GRIN3A: variants seen among roughly 807,000 people sequenced by gnomAD.
The protein encoded by GRIN3A is glutamate ionotropic receptor NMDA type subunit 3A.
GRIN3A carries 47 observed loss-of-function variants against 92.4 expected under a neutral mutation model. That is an observed-to-expected ratio of 0.51 (90% confidence interval 0.40 to 0.65). GRIN3A has a LOEUF of 0.65. Among genes scored for constraint, GRIN3A ranks in the 30% least tolerant of loss-of-function variants. The probability of loss-of-function intolerance (pLI) is 0.00; values close to 1 mark genes in which losing one functional copy is unlikely to be tolerated. For synonymous variants in GRIN3A, 527 were observed against 540.6 expected (o/e 0.97, Z 0.35); for missense variants, 1,324 against 1,393.1 (o/e 0.95, Z 0.79).
intron 1 of GRIN3A, among the ~76,000 whole-genome samples, chr9:101,733,488 G>C (rs931382876): frequency 6.6e-6 from 1 of 152,134 alleles, no homozygotes; most frequent in Non-Finnish European, 1.5e-5. Context: ...AATTAGATGC[G>C]ACTATCAGCT....
chr9:101,613,057 A>T (rs1828388594), intron 6 of GRIN3A, among the ~76,000 whole-genome samples: 1 of 152,248 alleles, frequency 6.6e-6, no homozygotes, highest in Non-Finnish European at 1.5e-5. Context: ...AACACTGTTC[A>T]TGTCAATCTC....
chr9:101,633,798 A>G (rs1227474091), intron 3 of GRIN3A, among the ~76,000 whole-genome samples: 1 of 152,040 alleles, frequency 6.6e-6, no homozygotes, highest in Admixed American at 6.6e-5. Flanking sequence ...GGTGCCAAAA[A>G]GGTTGGGGAC....
intron 2 of GRIN3A, among the ~76,000 whole-genome samples, chr9:101,682,508 C>A (rs1382808233): frequency 1.3e-5 from 2 of 152,178 alleles, no homozygotes; most frequent in Admixed American, 6.5e-5. Flanking sequence ...ACTTACATTT[C>A]GACCTCATTC....
intron 1 of GRIN3A, among the ~76,000 whole-genome samples, chr9:101,698,695 TCTCA>T (rs1829714464): frequency 6.6e-6 from 1 of 152,088 alleles, no homozygotes; most frequent in African/African-American, 2.4e-5. Flanking sequence ...TGAGACAGAG[TCTCA>T]CTCTCTCAGC....
intron 6 of GRIN3A, chr9:101,594,482 T>C: frequency 6.2e-7 from 1 of 1,614,212 alleles, no homozygotes; most frequent in Non-Finnish European, 8.5e-7. Flanking sequence ...AAAGGATATC[T>C]TCCCATCGCC....
intron 3 of GRIN3A, among the ~76,000 whole-genome samples, chr9:101,663,231 A>T (rs1829197627): frequency 6.6e-6 from 1 of 151,924 alleles, no homozygotes; most frequent in Non-Finnish European, 1.5e-5. Context: ...CATTCAGATC[A>T]GGTCTCCTGC....
At chr9:101,577,618 C>A in intron 8 of GRIN3A, 150 bp downstream of exon 8, 1 of 685,412 alleles carries the variant, frequency 1.5e-6, no homozygotes. Flanking sequence ...TTTTAGTGTC[C>A]ATATACATTT....
At chr9:101,646,503 C>G (rs1013493413) in intron 3 of GRIN3A, among the ~76,000 whole-genome samples, 3 of 151,648 alleles carry the variant, frequency 2.0e-5, no homozygotes, top group Non-Finnish European at 4.4e-5. Flanking sequence ...CTATTTGGAG[C>G]CTTTTGGGGT....
At chr9:101,620,327 G>A (rs546663491) in intron 5 of GRIN3A, among the ~76,000 whole-genome samples, 16 of 152,196 alleles carry the variant, frequency 1.1e-4, no homozygotes, top group East Asian at 3.9e-4. Context: ...AGCCTATTTC[G>A]TAGGGGCACT....
chr9:101,630,363 T>C (rs1828694982), intron 3 of GRIN3A, among the ~76,000 whole-genome samples: 1 of 152,224 alleles, frequency 6.6e-6, no homozygotes, highest in African/African-American at 2.4e-5. Flanking sequence ...TGTGCTGATA[T>C]AGTAGCTTGT....
chr9:101,665,397 A>G (rs1473095738), intron 3 of GRIN3A, among the ~76,000 whole-genome samples: 1 of 151,818 alleles, frequency 6.6e-6, no homozygotes, highest in Non-Finnish European at 1.5e-5. Context: ...ATTAATGGGG[A>G]AGCACAGCAG....
intron 3 of GRIN3A, among the ~76,000 whole-genome samples, chr9:101,664,689 C>T (rs1379855350): frequency 6.6e-6 from 1 of 151,974 alleles, no homozygotes; most frequent in African/African-American, 2.4e-5. Flanking sequence ...CTTTCTTGCG[C>T]AGGCTCTTGC....
At chr9:101,736,260 C>T (rs1830204647) in intron 1 of GRIN3A, among the ~76,000 whole-genome samples, 1 of 152,094 alleles carries the variant, frequency 6.6e-6, no homozygotes, top group East Asian at 1.9e-4. Flanking sequence ...TAAAATGGGC[C>T]CATGCCAATT....
chr9:101,712,903 C>G (rs1829897398), intron 1 of GRIN3A, among the ~76,000 whole-genome samples: 1 of 152,190 alleles, frequency 6.6e-6, no homozygotes, highest in African/African-American at 2.4e-5. Context: ...CCTATTATTT[C>G]TATCTTATGG....
At chr9:101,647,327 G>T (rs1828950259) in intron 3 of GRIN3A, among the ~76,000 whole-genome samples, 1 of 151,750 alleles carries the variant, frequency 6.6e-6, no homozygotes, top group Admixed American at 6.6e-5. Context: ...CCATCCTTCT[G>T]TCCTTGAGAT....
intron 5 of GRIN3A, among the ~76,000 whole-genome samples, chr9:101,614,242 C>T (rs1324741039): frequency 6.6e-6 from 1 of 152,044 alleles, no homozygotes; most frequent in Non-Finnish European, 1.5e-5. Context: ...ATTTTAAGAC[C>T]AGCAATTCTG....
At chr9:101,693,401 G>A (rs1468715470) in intron 1 of GRIN3A, among the ~76,000 whole-genome samples, 1 of 151,684 alleles carries the variant, frequency 6.6e-6, no homozygotes, top group African/African-American at 2.4e-5. Flanking sequence ...CCTGGGTGCA[G>A]AGTGAGACTC....
rs773342129 is a variant in GRIN3A, at chr9:101,671,091, T to C, written c.1321A>G (p.Thr441Ala). The change falls in exon 3 of 9, where the codon ACT becomes GCT. Residue 441 changes from threonine (T) to alanine (A), a missense_variant. Transcript: ENST00000361820. ...QYLSRFLANT[T>A]FRGLSGSIRV... ...ATGGAACCACTGAGGCCTCTGAAAG[T>C]GGTATTGGCTAGAAACCTGGGAAAG... The C allele has an allele frequency of 2.0e-5, 33 of 1,613,390 alleles. 1 individual carries two copies. The Admixed American group carries it at 5.0e-4, about 24-fold the overall frequency.
intron 7 of GRIN3A, 62 bp from the exon 8 acceptor site, chr9:101,577,906 G>T: frequency 8.3e-7 from 1 of 1,211,096 alleles, no homozygotes; most frequent in Non-Finnish European, 1.2e-6. Flanking sequence ...AGGGAACAAA[G>T]AACCACTTGA....
Sources: gnomAD v4.1 joint callset for allele counts (sites outside exome capture counted in the v4.1 genomes callset) on GRCh38, gnomAD v4.1.1 for gene constraint, MANE v1.5 for transcripts, NCBI Gene and HGNC (gene_info 2026-07-23, HGNC 2026-07-21) for gene names.